The following CLUH variants were observed in gnomAD, a reference collection of about 807,000 sequenced individuals.
The protein encoded by CLUH is CLUH binding protein of NUMT mRNA, also known as clustered mitochondria protein homolog.
Under a neutral mutation model 139.3 loss-of-function variants are expected in CLUH, and 77 were observed. That is an observed-to-expected ratio of 0.55 (90% CI 0.46 to 0.67). CLUH has a LOEUF of 0.67. CLUH is among the 30% of genes least tolerant of loss of function. The pLI is 0.00. For synonymous variants in CLUH, 999 were observed against 801.6 expected, an observed-to-expected ratio of 1.25 and a Z score of -4.16; for missense variants, 1,876 against 1,875.8, an observed-to-expected ratio of 1.00 and a Z score of 0.00.
rs182544422 is a variant in CLUH, at chr17:2,703,040, A to G, written c.475+278T>C. ...GGGGTTTCACCATGTTGGCCAGGCA[A>G]GTCTCCAACTCCTGACCTCAGGTGA... On this transcript the variant is annotated intron_variant, in intron 3 of 25. Transcript: ENST00000651024. This position sits in a 1 kb window ranked among gnomAD's most constrained non-coding sequence, Gnocchi z 4.2. 3.3e-5 allele frequency among the ~76,000 whole-genome samples: 5 copies of G among 152,182 alleles called. No individual in the cohort carries two copies. Among genetic ancestry groups the G allele is most frequent in the Admixed American group, 3.3e-4 (5 of 15,294 alleles).
At chr17:2,696,377 C>G in intron 12 of CLUH, 57 bp downstream of exon 12, 1 of 1,524,434 alleles carries the variant, frequency 6.6e-7, no homozygotes, top group Non-Finnish European at 8.9e-7. Flanking sequence ...GGCCCAGGCC[C>G]CCCAGCGAAG....
Position 2,704,671 on chromosome 17 carries a change from CCCT to C in CLUH, c.101-110_101-108del. Reference sequence around the variant, plus strand: ...TGCCTTCTGGAAAGGCATCTGCATGCCCTCGAGAGTCCCAGCCTCACGGTCGCG... The same window carrying C: ...TGCCTTCTGGAAAGGCATCTGCATGCCGAGAGTCCCAGCCTCACGGTCGCG... On this transcript the variant is annotated intron_variant, in intron 1 of 25. Transcript: ENST00000651024. This position sits in a 1 kb window ranked among gnomAD's most constrained non-coding sequence, Gnocchi z 5.7. The C allele has an allele frequency of 1.8e-6, 2 of 1,081,348 alleles. No homozygotes were observed. Among genetic ancestry groups the C allele is most frequent in the Non-Finnish European group, 2.6e-6 (2 of 766,110 alleles). The allele number at this position is 1,081,348 out of a possible 1,614,324, so 67.0% of individuals were successfully genotyped here. A position where few individuals can be genotyped will look rare whatever the true frequency, so the allele number is the denominator to read the frequency against.
At chr17:2,694,821 A>AAACCCCCCCCCCCCC in intron 16 of CLUH, 36 bp downstream of exon 16, 5 of 1,446,328 alleles carry the variant, frequency 3.5e-6, no homozygotes, top group Non-Finnish European at 3.7e-6. Flanking sequence ...CATCTGCCCA[A>AAACCCCCCCCCCCCC]TCCCACCCAC....
chr17:2,703,583 G>T lies in CLUH; in HGVS notation c.304-94C>A. 2 of 1,280,288 alleles carry T rather than the reference G, an allele frequency of 1.6e-6. No individual in the cohort carries two copies. Among genetic ancestry groups the T allele is most frequent in the East Asian group, 2.3e-5 (1 of 42,626 alleles). The allele number at this position is 1,280,288 out of a possible 1,614,324, so 79.3% of individuals were successfully genotyped here. On this transcript the variant is annotated intron_variant, in intron 2 of 25. Coordinates refer to ENST00000651024, the MANE Select transcript of CLUH (RefSeq NM_001366661.1). The surrounding 1 kb of genome is among the most constrained non-coding windows in gnomAD (Gnocchi z 4.2). ...CCGGTGAGAGGCCACGTAGCGGACAGCAAGGACAATATCCCCTTGTCCCCA... is the reference window on the plus strand; with the variant it reads ...CCGGTGAGAGGCCACGTAGCGGACATCAAGGACAATATCCCCTTGTCCCCA...
Position 2,700,830 on chromosome 17 carries a change from G to T in CLUH, c.1026-5C>A. ...TCGAACGGGTGGCGCTGGACCCTGT[G>T]GCAGGCAGGGGAGGGGGAGATGGGG... On this transcript the variant is annotated splice_region_variant and splice_polypyrimidine_tract_variant and intron_variant, in intron 7 of 25. Coordinates refer to ENST00000651024, the MANE Select transcript of CLUH (RefSeq NM_001366661.1). 1 of 1,512,856 alleles carries T rather than the reference G, an allele frequency of 6.6e-7. No individual in the cohort carries two copies. Among genetic ancestry groups the T allele is most frequent in the South Asian group, 1.3e-5 (1 of 75,262 alleles). The allele number at this position is 1,512,856 out of a possible 1,614,324, so 93.7% of individuals were successfully genotyped here.
rs1232184710 is a variant in CLUH, at chr17:2,690,398, A to G, written c.*196T>C. On this transcript the variant is annotated 3_prime_UTR_variant, in exon 26 of 26. Transcript: ENST00000651024. ...CTCCAATGGGGCCTCTGCATCATCTATTCATTGAACCAGCGCAAAAACACC... is the reference window on the plus strand; with the variant it reads ...CTCCAATGGGGCCTCTGCATCATCTGTTCATTGAACCAGCGCAAAAACACC... The G allele has an allele frequency of 6.7e-6, 3 of 445,866 alleles. No homozygotes were observed. Among genetic ancestry groups the G allele is most frequent in the East Asian group, 7.1e-5 (2 of 28,132 alleles). The allele number at this position is 445,866 out of a possible 1,614,324, so 27.6% of individuals were successfully genotyped here. A position where few individuals can be genotyped will look rare whatever the true frequency, so the allele number is the denominator to read the frequency against.
At position 2,694,141 on chromosome 17, in the gene CLUH, G is replaced by C; in HGVS notation, c.3073C>G (p.Gln1025Glu). Reference protein sequence around the residue: ...SDAFHFFQSGQAKVQQGFLKE... With the variant: ...SDAFHFFQSGEAKVQQGFLKE... ...CACACACCCTGCTGCACTTTGGCCT[G>C]CCCGCTCTGGAAGAAATGGAAGGCA... The change falls in exon 18 of 26, where the codon CAG becomes GAG. Residue 1025 changes from glutamine (Q) to glutamate (E), a missense_variant. Around this residue, in one of 3 missense-constraint regions of CLUH, gnomAD observed 1,454 missense variants for 1,384.4 expected, o/e 1.05. Coordinates refer to ENST00000651024, the MANE Select transcript of CLUH (RefSeq NM_001366661.1). The C allele has an allele frequency of 6.2e-7, 1 of 1,613,430 alleles. No homozygotes were observed. The highest frequency in any genetic ancestry group is 1.1e-5 in the South Asian group (1 of 90,996).
intron 1 of CLUH, among the ~76,000 whole-genome samples, chr17:2,709,338 T>C (rs1236393138): frequency 6.6e-6 from 1 of 152,156 alleles, no homozygotes; most frequent in Non-Finnish European, 1.5e-5. Flanking sequence ...AGGCGGCCTA[T>C]GGAAGAACCT....
intron 1 of CLUH, among the ~76,000 whole-genome samples, chr17:2,710,294 G>A (rs972321074): frequency 2.6e-5 from 4 of 152,214 alleles, no homozygotes; most frequent in Non-Finnish European, 5.9e-5. Flanking sequence ...AGGTTGGGGC[G>A]ATGAGCATCT....
chr17:2,697,699 G>A (rs2070010493), intron 10 of CLUH, among the ~76,000 whole-genome samples, 197 bp downstream of exon 10: 1 of 152,198 alleles, frequency 6.6e-6, no homozygotes, highest in African/African-American at 2.4e-5. Flanking sequence ...CTGCTCGCGA[G>A]TCTGCAGCCC....
rs2069872210 is a variant in CLUH at position 2,694,880 on chromosome 17, G to A, written c.2829C>T (p.Asn943=). The A allele has an allele frequency of 6.5e-7, 1 of 1,546,508 alleles. No homozygotes were observed. The highest frequency in any genetic ancestry group is 2.4e-5 in the East Asian group (1 of 42,432). Residue 943 remains asparagine, a synonymous_variant, in exon 16 of 26, where the codon AAC becomes AAT. Coordinates refer to ENST00000651024, the MANE Select transcript of CLUH (RefSeq NM_001366661.1). ...ACCACTCGAGGTCGAAGTCAAAGTAGTTCTTGGCCTCCTGGCAGATGTTCT... is the reference window on the plus strand; with the variant it reads ...ACCACTCGAGGTCGAAGTCAAAGTAATTCTTGGCCTCCTGGCAGATGTTCT... The part of the protein sequence containing the change: ...LWKNICQEAK[N]YFDFDLECET...
At position 2,707,531 on chromosome 17, in the gene CLUH, G is replaced by A. The variant is rs1233511854; in HGVS notation, c.101-2967C>T. On this transcript the variant is annotated intron_variant, in intron 1 of 25. Coordinates refer to ENST00000651024, the MANE Select transcript of CLUH (RefSeq NM_001366661.1). This position sits in a 1 kb window ranked among gnomAD's most constrained non-coding sequence, Gnocchi z 7.4. Reference sequence around the variant, plus strand: ...CCACCTCCCTATGCCCCCTAGAGAGGGGGTCACTGCCGGCAAAGCCGCTAG... The same window carrying A: ...CCACCTCCCTATGCCCCCTAGAGAGAGGGTCACTGCCGGCAAAGCCGCTAG... 1.0e-6 allele frequency: 1 copy of A among 985,272 alleles called. No homozygotes were observed. Among genetic ancestry groups the A allele is most frequent in the African/African-American group, 1.7e-5 (1 of 57,228 alleles). 61.0% of individuals were successfully genotyped at this position (985,272 alleles called of 1,614,324 possible). A position where few individuals can be genotyped will look rare whatever the true frequency, so the allele number is the denominator to read the frequency against.
chr17:2,695,959 C>T (rs1434977658), intron 13 of CLUH, 200 bp downstream of exon 13: 6 of 598,088 alleles, frequency 1.0e-5, no homozygotes, highest in African/African-American at 7.4e-5. Context: ...AGCTGCCAGC[C>T]CACACGGTGG....
rs372416273 is a variant in CLUH at position 2,704,900 on chromosome 17, C to T, written c.101-336G>A. Among the ~76,000 whole-genome samples the T allele has an allele frequency of 6.6e-6, 1 of 152,106 alleles. No individual in the cohort carries two copies. The highest frequency in any genetic ancestry group is 2.4e-5 in the African/African-American group (1 of 41,424). ...ACCTAGCTTCCCAGCAGCAGTTCCC[C>T]TCTTCCTCTCCTCTTCTCTGACCCC... On this transcript the variant is annotated intron_variant, in intron 1 of 25. Coordinates refer to ENST00000651024, the MANE Select transcript of CLUH (RefSeq NM_001366661.1). The surrounding 1 kb of genome is among the most constrained non-coding windows in gnomAD (Gnocchi z 5.7).
Position 2,696,263 on chromosome 17 carries a change from G to C in CLUH, c.2291-4C>G. On this transcript the variant is annotated splice_region_variant and splice_polypyrimidine_tract_variant and intron_variant, in intron 12 of 25. Coordinates refer to ENST00000651024, the MANE Select transcript of CLUH (RefSeq NM_001366661.1). ...CAGGACTCAGGGAAACGAACCCCTG[G>C]AGGAGGGAGAGCAGAGAGGCTGAGC... The C allele has an allele frequency of 6.4e-7, 1 of 1,567,396 alleles. No homozygotes were observed. The highest frequency in any genetic ancestry group is 8.6e-7 in the Non-Finnish European group (1 of 1,156,392).
At chr17:2,702,666 CAA>C (rs2070226308) in intron 3 of CLUH, among the ~76,000 whole-genome samples, 1 of 152,164 alleles carries the variant, frequency 6.6e-6, no homozygotes, top group Admixed American at 6.5e-5. Flanking sequence ...GGCCACAGAC[CAA>C]CCGGATGGCA....
intron 10 of CLUH, 128 bp downstream of exon 10, chr17:2,697,768 G>T: frequency 1.1e-6 from 1 of 912,110 alleles, no homozygotes; most frequent in Non-Finnish European, 1.6e-6. Context: ...TCCAATGACT[G>T]TGGCTAGACG....
At chr17:2,702,890 T>C (rs1353627321) in intron 3 of CLUH, among the ~76,000 whole-genome samples, 1 of 151,922 alleles carries the variant, frequency 6.6e-6, no homozygotes, top group Non-Finnish European at 1.5e-5. Context: ...AGTGGCACGA[T>C]CCGGGCACAC....
intron 22 of CLUH, 41 bp downstream of exon 22, chr17:2,692,320 G>A: frequency 6.7e-6 from 10 of 1,499,814 alleles, no homozygotes; most frequent in Non-Finnish European, 8.9e-6. Context: ...CTGCCCCGCA[G>A]GCCTCCGCCG....
Sources: gnomAD v4.1 joint callset for allele counts (sites outside exome capture counted in the v4.1 genomes callset) on GRCh38, gnomAD v4.1.1 for gene constraint, gnomAD v4.1.1 regional missense constraint, Gnocchi (gnomAD v3.1) non-coding constraint, MANE v1.5 for transcripts, NCBI Gene and HGNC (gene_info 2026-07-23, HGNC 2026-07-21) for gene names.